The following ATRNL1 variants were observed in gnomAD, a reference collection of about 807,000 sequenced individuals.
The protein encoded by ATRNL1 is attractin like 1, also known as attractin-like protein 1.
Under a neutral mutation model 182.7 loss-of-function variants are expected in ATRNL1, and 95 were observed. That is an observed-to-expected ratio of 0.52 (90% CI 0.44 to 0.62). The LOEUF (loss-of-function observed/expected upper bound fraction) is 0.62, where lower values mean the gene tolerates loss of function less well. ATRNL1 is among the 20% of genes least tolerant of loss of function. The pLI, the probability that ATRNL1 is intolerant of heterozygous loss-of-function variation, is 0.00. For synonymous variants in ATRNL1, 576 were observed against 568.3 expected, an observed-to-expected ratio of 1.01 and a Z score of -0.19; for missense variants, 1,471 against 1,679.5, an observed-to-expected ratio of 0.88 and a Z score of 2.17.
At chr10:115,476,569 G>C (rs1848539478) in intron 24 of ATRNL1, among the ~76,000 whole-genome samples, 1 of 150,488 alleles carries the variant, frequency 6.6e-6, no homozygotes, top group African/African-American at 2.4e-5. Context: ...TGTAGTTTTT[G>C]TACATATACA....
intron 26 of ATRNL1, among the ~76,000 whole-genome samples, chr10:115,679,210 C>T (rs1945968826): frequency 6.6e-6 from 1 of 152,096 alleles, no homozygotes; most frequent in Admixed American, 6.6e-5. Context: ...TACTTGGGGG[C>T]TTCAGTGAAG....
chr10:115,551,953 T>C (rs1853016158), intron 26 of ATRNL1, among the ~76,000 whole-genome samples: 1 of 151,414 alleles, frequency 6.6e-6, no homozygotes, highest in East Asian at 1.9e-4. Flanking sequence ...TAGGACAGCA[T>C]ATTATTATAA....
chr10:115,936,521 G>T (rs920843344), intron 28 of ATRNL1, among the ~76,000 whole-genome samples: 2 of 152,140 alleles, frequency 1.3e-5, no homozygotes, highest in African/African-American at 2.4e-5. Context: ...TCTATAGTTT[G>T]ACGGTGATTT....
chr10:115,359,754 A>T (rs1299078369), intron 19 of ATRNL1, among the ~76,000 whole-genome samples: 2 of 151,596 alleles, frequency 1.3e-5, no homozygotes, highest in Non-Finnish European at 3.0e-5. Flanking sequence ...TAGAGAAGAT[A>T]AATAGAATCT....
At chr10:115,106,842 A>G (rs1452710196) in intron 1 of ATRNL1, among the ~76,000 whole-genome samples, 1 of 152,080 alleles carries the variant, frequency 6.6e-6, no homozygotes, top group Admixed American at 6.5e-5. Flanking sequence ...CAGTGTGAAA[A>G]TGGACTAATA....
At chr10:115,735,652 G>C in intron 27 of ATRNL1, among the ~76,000 whole-genome samples, 1 of 152,148 alleles carries the variant, frequency 6.6e-6, no homozygotes, top group East Asian at 1.9e-4. Flanking sequence ...TTGAACACAA[G>C]TACTATGATA....
chr10:115,636,474 T>C (rs1858879695), intron 26 of ATRNL1, among the ~76,000 whole-genome samples: 1 of 152,162 alleles, frequency 6.6e-6, no homozygotes, highest in South Asian at 2.1e-4. Context: ...AAACCATCAT[T>C]GGAACCACAG....
At chr10:115,294,606 A>G (rs1422442109) in intron 15 of ATRNL1, among the ~76,000 whole-genome samples, 2 of 152,108 alleles carry the variant, frequency 1.3e-5, no homozygotes, top group East Asian at 1.9e-4. Context: ...GTTGGGTTCT[A>G]TTAGTGGAGA....
In ATRNL1 at chr10:115,853,773, G is replaced by A. The variant is rs111996919; in HGVS notation, c.4018+5782G>A. On this transcript the variant is annotated intron_variant, in intron 28 of 28. Coordinates refer to ENST00000355044, the MANE Select transcript of ATRNL1 (RefSeq NM_207303.4). ...CGTATGTGTCTTCACAAAGAAGAAA[G>A]AAAAAGTGGCATTCATGGTAAAATA... Among the ~76,000 whole-genome samples, 473 of 152,174 alleles carry A rather than the reference G, an allele frequency of 3.1e-3. 1 individual carries two copies. Among genetic ancestry groups the A allele is most frequent in the African/African-American group, 0.01 (430 of 41,524 alleles).
At chr10:115,888,755 T>G (rs1185687841) in intron 28 of ATRNL1, among the ~76,000 whole-genome samples, 1 of 152,220 alleles carries the variant, frequency 6.6e-6, no homozygotes, top group African/African-American at 2.4e-5. Context: ...AAGCACTTCT[T>G]CATCCAGTGA....
At chr10:115,527,399 G>T (rs1454876858) in intron 25 of ATRNL1, among the ~76,000 whole-genome samples, 1 of 152,114 alleles carries the variant, frequency 6.6e-6, no homozygotes, top group Non-Finnish European at 1.5e-5. Context: ...GAGATTACAG[G>T]CATGAGCCAC....
chr10:115,345,164 T>C (rs1855920307), intron 19 of ATRNL1, among the ~76,000 whole-genome samples: 1 of 152,244 alleles, frequency 6.6e-6, no homozygotes, highest in Admixed American at 6.5e-5. Context: ...AGTTCAGCAC[T>C]AGGACTTGCC....
intron 28 of ATRNL1, among the ~76,000 whole-genome samples, chr10:115,855,972 A>G (rs1544543): frequency 0.16 from 24,471 of 152,120 alleles, 2,222 homozygotes; most frequent in Non-Finnish European, 0.2. Context: ...ATTTTATTTA[A>G]GTTTGAAAGA....
chr10:115,333,283 A>G (rs1816078127), intron 18 of ATRNL1, among the ~76,000 whole-genome samples: 1 of 152,176 alleles, frequency 6.6e-6, no homozygotes, highest in Non-Finnish European at 1.5e-5. Flanking sequence ...AGCCTTTCAT[A>G]CATGAACTTT....
At chr10:115,786,385 C>T (rs1290088460) in intron 27 of ATRNL1, among the ~76,000 whole-genome samples, 2 of 152,130 alleles carry the variant, frequency 1.3e-5, no homozygotes, top group African/African-American at 4.8e-5. Flanking sequence ...AGTCTGAAAT[C>T]AAGGTGTTGG....
chr10:115,318,302 T>G (rs1854407811), intron 18 of ATRNL1, among the ~76,000 whole-genome samples: 1 of 152,184 alleles, frequency 6.6e-6, no homozygotes, highest in South Asian at 2.1e-4. Flanking sequence ...AGTATTTTAT[T>G]GAGGATTTTC....
chr10:115,346,203 T>C (rs1411891589), intron 19 of ATRNL1, among the ~76,000 whole-genome samples: 2 of 152,164 alleles, frequency 1.3e-5, no homozygotes, highest in African/African-American at 4.8e-5. Flanking sequence ...TCATTCCTCT[T>C]TAAAACTTTT....
chr10:115,464,742 T>A (rs1346677446), intron 22 of ATRNL1, among the ~76,000 whole-genome samples: 2 of 151,808 alleles, frequency 1.3e-5, no homozygotes, highest in Non-Finnish European at 2.9e-5. Flanking sequence ...AGAGACAATT[T>A]CAAAAGAAAA....
chr10:115,356,131 T>G (rs1480985582), intron 19 of ATRNL1, among the ~76,000 whole-genome samples: 1 of 152,088 alleles, frequency 6.6e-6, no homozygotes, highest in Non-Finnish European at 1.5e-5. Context: ...TTTTTCTCTC[T>G]TCTAAGATGA....
Sources: allele counts gnomAD v4.1 joint callset (sites outside exome capture counted in the v4.1 genomes callset), GRCh38; gene constraint gnomAD v4.1.1; transcripts MANE v1.5; gene names NCBI Gene and HGNC (gene_info 2026-07-23, HGNC 2026-07-21).